Variants in NRG3 observed in about 807,000 individuals in gnomAD.
The protein encoded by NRG3 is pro-neuregulin-3, membrane-bound isoform.
A neutral mutation model predicts 66.9 loss-of-function variants in NRG3; 31 were observed. That is an observed-to-expected ratio of 0.46 (90% confidence interval 0.35 to 0.63). NRG3 has a LOEUF of 0.63. NRG3 is among the 20% of genes least tolerant of loss of function. The probability of loss-of-function intolerance (pLI) is 0.00; values close to 1 mark genes in which losing one functional copy is unlikely to be tolerated. For synonymous variants in NRG3, 393 were observed against 359.4 expected (o/e 1.09, Z -1.06); for missense variants, 910 against 878.9 (o/e 1.04, Z -0.45).
chr10:82,108,205 C>G (rs1438384930), intron 1 of NRG3, among the ~76,000 whole-genome samples: 4 of 152,182 alleles, frequency 2.6e-5, no homozygotes, highest in Non-Finnish European at 5.9e-5. Flanking sequence ...ATGATTTAGA[C>G]TCATCTATGA....
chr10:81,900,351 C>A (rs1429168915), intron 1 of NRG3, among the ~76,000 whole-genome samples: 1 of 151,732 alleles, frequency 6.6e-6, no homozygotes, highest in Non-Finnish European at 1.5e-5. Context: ...GCCTAGCTAA[C>A]TTGGCAAAAT....
At chr10:82,310,714 G>T (rs1414869073) in intron 1 of NRG3, among the ~76,000 whole-genome samples, 1 of 152,006 alleles carries the variant, frequency 6.6e-6, no homozygotes, top group Non-Finnish European at 1.5e-5. Flanking sequence ...TACATTTTTG[G>T]CAGGGACAAG....
At chr10:82,901,408 G>C (rs1020806413) in intron 4 of NRG3, among the ~76,000 whole-genome samples, 1 of 151,984 alleles carries the variant, frequency 6.6e-6, no homozygotes, top group East Asian at 1.9e-4. Flanking sequence ...GTGGAAAAAT[G>C]GTGAGAATAT....
chr10:82,783,900 G>C (rs1267940940), intron 3 of NRG3, among the ~76,000 whole-genome samples: 1 of 151,988 alleles, frequency 6.6e-6, no homozygotes, highest in South Asian at 2.1e-4. Flanking sequence ...GCATCGCCAA[G>C]TCAATCCTAA....
intron 4 of NRG3, among the ~76,000 whole-genome samples, chr10:82,870,716 C>T (rs1344518103): frequency 6.6e-6 from 1 of 152,132 alleles, no homozygotes; most frequent in African/African-American, 2.4e-5. Flanking sequence ...GCTTATTTGC[C>T]ATCTGCATAT....
chr10:82,283,823 T>C (rs2079255976), intron 1 of NRG3, among the ~76,000 whole-genome samples: 1 of 152,162 alleles, frequency 6.6e-6, no homozygotes, highest in Non-Finnish European at 1.5e-5. Flanking sequence ...CTCTCAGGCC[T>C]GAGCCTATTG....
At chr10:82,025,344 A>G (rs2132809223) in intron 1 of NRG3, among the ~76,000 whole-genome samples, 1 of 151,640 alleles carries the variant, frequency 6.6e-6, no homozygotes, top group Non-Finnish European at 1.5e-5. Context: ...ATATTTGAAT[A>G]TAATATAGAT....
chr10:82,384,747 C>G (rs1388686411), intron 2 of NRG3, among the ~76,000 whole-genome samples: 1 of 152,058 alleles, frequency 6.6e-6, no homozygotes, highest in Non-Finnish European at 1.5e-5. Flanking sequence ...AATACACATG[C>G]TTGTGTCTTT....
In NRG3 at chr10:82,065,752, A is replaced by T. The variant is rs563452617; in HGVS notation, c.823+189589A>T. 3.3e-5 allele frequency among the ~76,000 whole-genome samples: 5 copies of T among 152,280 alleles called. No individual in the cohort carries two copies. In the South Asian group the frequency reaches 8.3e-4, roughly 25 times the overall value. ...CTTGCAGGAGGAGGAATATTTTAGG[A>T]ATTTCGCTGAACAGATTCATCCCTA... On this transcript the variant is annotated intron_variant, in intron 1 of 8. Coordinates refer to ENST00000372141, the MANE Select transcript of NRG3 (RefSeq NM_001010848.4).
Position 82,630,635 on chromosome 10 carries a change from G to T in NRG3, c.954-107942G>T, listed in dbSNP as rs11195363. ...GAAGGTTGCAGTGAGCTGAGATCAC[G>T]CCACTGCATTCCAGCCTGGTTGACA... On this transcript the variant is annotated intron_variant, in intron 2 of 8. Transcript: ENST00000372141. Among the ~76,000 whole-genome samples the T allele has an allele frequency of 8.6e-4, 131 of 151,598 alleles. 2 individuals carry two copies. The highest frequency in any genetic ancestry group is 3.0e-3 in the African/African-American group (126 of 41,358).
intron 3 of NRG3, among the ~76,000 whole-genome samples, chr10:82,813,328 C>G (rs1378336637): frequency 6.6e-6 from 1 of 150,504 alleles, no homozygotes; most frequent in Non-Finnish European, 1.5e-5. Context: ...ATTCTCCTGC[C>G]TCAGCCTCCT....
intron 2 of NRG3, among the ~76,000 whole-genome samples, chr10:82,411,354 T>C (rs1455772526): frequency 6.6e-6 from 1 of 152,158 alleles, no homozygotes; most frequent in Non-Finnish European, 1.5e-5. Context: ...CGTTTGTTTG[T>C]TTTTGTCTAC....
intron 4 of NRG3, among the ~76,000 whole-genome samples, chr10:82,882,576 C>G (rs1042770385): frequency 6.6e-6 from 1 of 152,160 alleles, no homozygotes; most frequent in Non-Finnish European, 1.5e-5. Context: ...AATAATGTCA[C>G]CAAATAAGGC....
At chr10:81,936,908 CTA>C (rs1455653243) in intron 1 of NRG3, among the ~76,000 whole-genome samples, 1 of 152,168 alleles carries the variant, frequency 6.6e-6, no homozygotes. Context: ...AATGTTGACT[CTA>C]TGCACATTGT....
At chr10:81,899,147 C>T (rs1843790615) in intron 1 of NRG3, among the ~76,000 whole-genome samples, 1 of 152,110 alleles carries the variant, frequency 6.6e-6, no homozygotes, top group Admixed American at 6.5e-5. Flanking sequence ...TTTTAAAACT[C>T]CGATTCTCCA....
chr10:82,425,850 C>A (rs568228781), intron 2 of NRG3, among the ~76,000 whole-genome samples: 1 of 152,170 alleles, frequency 6.6e-6, no homozygotes, highest in East Asian at 1.9e-4. Flanking sequence ...AGTTCATTAG[C>A]CTTGTAGTTT....
chr10:82,201,930 T>A (rs1401852527), intron 1 of NRG3, among the ~76,000 whole-genome samples: 1 of 152,152 alleles, frequency 6.6e-6, no homozygotes, highest in African/African-American at 2.4e-5. Context: ...ACACAGCTTA[T>A]GCCCCACAGG....
intron 1 of NRG3, among the ~76,000 whole-genome samples, chr10:82,063,743 GAACTAA>G: frequency 6.6e-6 from 1 of 151,980 alleles, no homozygotes; most frequent in South Asian, 2.1e-4. Context: ...AAGAACTAAA[GAACTAA>G]AGAAAGAAAG....
At chr10:82,015,634 A>T (rs527692538) in intron 1 of NRG3, among the ~76,000 whole-genome samples, 7 of 152,118 alleles carry the variant, frequency 4.6e-5, no homozygotes, top group Admixed American at 3.9e-4. Flanking sequence ...CCTTTCTGCC[A>T]CCTTGGAAGA....
Sources: allele counts gnomAD v4.1 joint callset (sites outside exome capture counted in the v4.1 genomes callset), GRCh38; gene constraint gnomAD v4.1.1; transcripts MANE v1.5; gene names NCBI Gene and HGNC (gene_info 2026-07-23, HGNC 2026-07-21).